Variants in ADAM23 observed in about 807,000 individuals in gnomAD.
The protein encoded by ADAM23 is disintegrin and metalloproteinase domain-containing protein 23.
In ADAM23, 33 loss-of-function variants were observed where a neutral mutation model predicts 120.1. The observed-to-expected ratio is 0.27, with a 90% CI of 0.21 to 0.37. The LOEUF is 0.37. ADAM23 is among the 10% of genes least tolerant of loss of function. The probability of loss-of-function intolerance (pLI) is 1.00; values close to 1 mark genes in which losing one functional copy is unlikely to be tolerated. For synonymous variants in ADAM23, 367 were observed against 375.2 expected (o/e 0.98, Z 0.25); for missense variants, 862 against 1,058.2 (o/e 0.81, Z 2.57).
chr2:206,596,871 C>T (rs1260268728), intron 24 of ADAM23, among the ~76,000 whole-genome samples: 2 of 142,734 alleles, frequency 1.4e-5, no homozygotes, highest in African/African-American at 5.2e-5. Flanking sequence ...ATCTCAGACT[C>T]TTGTTCTCTT....
chr2:206,475,512 G>A (rs892845823), intron 2 of ADAM23, among the ~76,000 whole-genome samples: 5 of 151,502 alleles, frequency 3.3e-5, no homozygotes, highest in African/African-American at 1.2e-4. Context: ...ATTTAAAGTT[G>A]ACATTTTATT....
chr2:206,496,106 A>G (rs1244408234), intron 3 of ADAM23, among the ~76,000 whole-genome samples: 1 of 152,178 alleles, frequency 6.6e-6, no homozygotes, highest in Non-Finnish European at 1.5e-5. Context: ...ATAGAAAGTT[A>G]ACAAGGATAT....
At chr2:206,447,063 C>G (rs1368080929) in intron 2 of ADAM23, among the ~76,000 whole-genome samples, 1 of 152,196 alleles carries the variant, frequency 6.6e-6, no homozygotes, top group Non-Finnish European at 1.5e-5. Context: ...AAGCCCTCCT[C>G]AGCAGAGACT....
intron 4 of ADAM23, among the ~76,000 whole-genome samples, chr2:206,537,739 T>C (rs1039925280): frequency 7.2e-5 from 11 of 152,338 alleles, no homozygotes; most frequent in African/African-American, 2.6e-4. Context: ...TCCACTCCTA[T>C]ACTAAAAATG....
intron 3 of ADAM23, among the ~76,000 whole-genome samples, chr2:206,530,107 C>T (rs1032629838): frequency 7.2e-5 from 11 of 152,096 alleles, no homozygotes; most frequent in African/African-American, 2.7e-4. Context: ...CCATGCCCGG[C>T]TTTGTTTTAT....
intron 25 of ADAM23, among the ~76,000 whole-genome samples, chr2:206,614,895 C>T (rs1382622906): frequency 6.6e-6 from 1 of 152,002 alleles, no homozygotes; most frequent in South Asian, 2.1e-4. Context: ...TCCCTTAATG[C>T]CTGGGACTCC....
intron 3 of ADAM23, among the ~76,000 whole-genome samples, chr2:206,517,023 A>G (rs1207541690): frequency 1.3e-5 from 2 of 152,072 alleles, no homozygotes; most frequent in Non-Finnish European, 2.9e-5. Context: ...ATAAATAAAA[A>G]TAAAATAATA....
chr2:206,463,136 A>C (rs371729597), intron 2 of ADAM23, among the ~76,000 whole-genome samples: 5 of 152,324 alleles, frequency 3.3e-5, no homozygotes, highest in African/African-American at 9.6e-5. Context: ...AGATGTCCAC[A>C]TCCTAATCTC....
At position 206,565,088 on chromosome 2, in the gene ADAM23, GC is replaced by G; in HGVS notation, c.1394+21del. 3.1e-6 allele frequency: 5 copies of G among 1,613,456 alleles called. No individual in the cohort carries two copies. Among genetic ancestry groups the G allele is most frequent in the Non-Finnish European group, 4.2e-6 (5 of 1,179,486 alleles). ...AACAGGGTAAATTTTCATTATGCGT[GC>G]ATTTGATATATGCCTTTTGCTAAAA... On this transcript the variant is annotated intron_variant, in intron 14 of 25. Coordinates refer to ENST00000264377, the MANE Select transcript of ADAM23 (RefSeq NM_003812.4).
intron 8 of ADAM23, among the ~76,000 whole-genome samples, chr2:206,549,369 C>T (rs955596674): frequency 8.6e-5 from 13 of 151,402 alleles, no homozygotes; most frequent in African/African-American, 3.1e-4. Context: ...CCCTACAGTC[C>T]ACCTCATCAA....
intron 3 of ADAM23, among the ~76,000 whole-genome samples, chr2:206,484,855 T>A (rs1346125777): frequency 6.6e-6 from 1 of 152,144 alleles, no homozygotes; most frequent in Non-Finnish European, 1.5e-5. Context: ...GTTTTTCCCC[T>A]GCTGTTCTTG....
intron 23 of ADAM23, 42 bp downstream of exon 23, chr2:206,594,947 G>T (rs1364859678): frequency 2.5e-6 from 4 of 1,607,020 alleles, no homozygotes; most frequent in Non-Finnish European, 3.4e-6. Flanking sequence ...TTCATGGTCT[G>T]GCATGGTCAC....
rs369861667 is a variant in ADAM23, at chr2:206,583,678, A to AT, written c.1738-3645dup. Among the ~76,000 whole-genome samples, 1,030 of 152,182 alleles carry AT rather than the reference A, an allele frequency of 6.8e-3. 19 individuals carry two copies. The highest frequency in any genetic ancestry group is 0.024 in the African/African-American group (990 of 41,532). On this transcript the variant is annotated intron_variant, in intron 18 of 25. Coordinates refer to ENST00000264377, the MANE Select transcript of ADAM23 (RefSeq NM_003812.4). ...GCTGAGACTTTCCAGAGCATTTCAC[A>AT]TTCTAAAAATGTGTCCAAAGTTTCC...
Position 206,557,407 on chromosome 2 carries a change from G to C in ADAM23, c.934-20G>C. 7 of 1,595,304 alleles carry C rather than the reference G, an allele frequency of 4.4e-6. No homozygotes were observed. Among genetic ancestry groups the C allele is most frequent in the Non-Finnish European group, 6.0e-6 (7 of 1,163,202 alleles). ...ATTCACTTATGATTTGGCAGTGACT[G>C]GTATGTATTTCCCCCCTAGTATAAG... is the stretch of plus-strand genomic sequence containing the variant. On this transcript the variant is annotated intron_variant, in intron 9 of 25. Transcript: ENST00000264377.
intron 9 of ADAM23, among the ~76,000 whole-genome samples, chr2:206,553,798 G>A (rs923318208): frequency 2.6e-5 from 4 of 152,186 alleles, no homozygotes; most frequent in Admixed American, 6.5e-5. Context: ...TTCTGAATAT[G>A]TGGGGATTTG....
At chr2:206,587,465 T>A (rs1251202226) in intron 19 of ADAM23, 90 bp downstream of exon 19, 1 of 1,020,412 alleles carries the variant, frequency 9.8e-7, no homozygotes, top group Admixed American at 2.4e-5. Flanking sequence ...AATATAACTT[T>A]GAAGGGAATT....
chr2:206,547,850 C>G (rs1001501221), intron 7 of ADAM23, among the ~76,000 whole-genome samples: 1 of 152,212 alleles, frequency 6.6e-6, no homozygotes, highest in Non-Finnish European at 1.5e-5. Flanking sequence ...GCTCCAGACA[C>G]ATCTTAAGTG....
chr2:206,610,027 C>T (rs368283567), intron 25 of ADAM23, 27 bp downstream of exon 25: 434 of 1,522,750 alleles, frequency 2.9e-4, no homozygotes, highest in Non-Finnish European at 3.6e-4. Context: ...GTCTTCTTCT[C>T]AGTGGCTCTG....
At chr2:206,516,469 C>T (rs1696733024) in intron 3 of ADAM23, among the ~76,000 whole-genome samples, 1 of 151,978 alleles carries the variant, frequency 6.6e-6, no homozygotes, top group Non-Finnish European at 1.5e-5. Flanking sequence ...GTTTTGGAGG[C>T]TAGGAAGTCT....
Sources: gnomAD v4.1 joint callset for allele counts (sites outside exome capture counted in the v4.1 genomes callset) on GRCh38, gnomAD v4.1.1 for gene constraint, MANE v1.5 for transcripts, NCBI Gene and HGNC (gene_info 2026-07-23, HGNC 2026-07-21) for gene names.